ITGB1: variants seen among roughly 807,000 people sequenced by gnomAD.
ITGB1 encodes integrin beta-1.
Under a neutral mutation model 86.5 loss-of-function variants are expected in ITGB1, and 24 were observed. The observed-to-expected ratio is 0.28, with a 90% CI of 0.20 to 0.39. ITGB1 has a LOEUF of 0.39. ITGB1 is among the 10% of genes least tolerant of loss of function. The probability of loss-of-function intolerance (pLI) is 1.00; values close to 1 mark genes in which losing one functional copy is unlikely to be tolerated. For missense variants in ITGB1, 556 were observed against 946.9 expected (o/e 0.59, Z 5.42); for synonymous variants, 323 against 316.8 (o/e 1.02, Z -0.21).
chr10:32,923,446 T>A (rs2094955868), intron 7 of ITGB1, 139 bp downstream of exon 7: 1 of 591,490 alleles, frequency 1.7e-6, no homozygotes, highest in Non-Finnish European at 2.8e-6. Flanking sequence ...TTCCTGCACT[T>A]TCAATCAGGA....
At chr10:32,923,817 C>T in intron 6 of ITGB1, 77 bp from the exon 7 acceptor site, 1 of 1,167,390 alleles carries the variant, frequency 8.6e-7, no homozygotes, top group Non-Finnish European at 1.2e-6. Flanking sequence ...TTCATATAGG[C>T]CACCATTGTA....
chr10:32,920,598 G>C (rs536805235), intron 9 of ITGB1, among the ~76,000 whole-genome samples: 20 of 152,252 alleles, frequency 1.3e-4, no homozygotes, highest in Non-Finnish European at 2.6e-4. Context: ...ATTGAAAAGA[G>C]TATTCCTGTT....
chr10:32,920,375 G>A lies in ITGB1; in HGVS notation c.1139C>T (p.Ser380Leu). ...LIIDAYNSLS[S>L]EVILENGKLS... ...TTTGCCGTTTTCCAAAATGACTTCT[G>A]AGGAAAGGGACTAAAAGAATGCCTA... The change falls in exon 10 of 16, where the codon TCA becomes TTA. Residue 380 changes from serine to leucine, a missense_variant. By Grantham distance (145) the Ser-to-Leu change is moderately radical. Around this residue, in one of 4 missense-constraint regions of ITGB1, gnomAD observed 330 missense variants for 531.5 expected, o/e 0.62. Transcript: ENST00000302278. The A allele has an allele frequency of 6.2e-7, 1 of 1,613,268 alleles. No homozygotes were observed. Among genetic ancestry groups the A allele is most frequent in the African/African-American group, 1.3e-5 (1 of 75,008 alleles).
chr10:32,951,741 G>A (rs542158644), intron 1 of ITGB1: 55 of 152,176 alleles, frequency 3.6e-4, no homozygotes, highest in African/African-American at 1.3e-3. Flanking sequence ...CTATGCCTGC[G>A]GACTTTTTTG....
In ITGB1 at chr10:32,929,978, C is replaced by G; in HGVS notation, c.220G>C (p.Gly74Arg). The G allele has an allele frequency of 1.7e-6, 2 of 1,201,880 alleles. No individual in the cohort carries two copies. Among genetic ancestry groups the G allele is most frequent in the Non-Finnish European group, 2.5e-6 (2 of 802,940 alleles). The allele number at this position is 1,201,880 out of a possible 1,614,324, so 74.5% of individuals were successfully genotyped here. A position where few individuals can be genotyped will look rare whatever the true frequency, so the allele number is the denominator to read the frequency against. Residue 74 changes from glycine to arginine, a missense_variant, in exon 4 of 16, where the codon GGT (glycine) becomes CGT (arginine). By Grantham distance (125) the Gly-to-Arg change is moderately radical. Transcript: ENST00000302278. The part of the protein sequence containing the change: ...CDDLEALKKK[G>R]CPPDDIENPR... ...TTTTCTATGTCATCTGGAGGGCAAC[C>G]CTTCTTTTTTAAGGCTTCTAAATCA...
In ITGB1 at chr10:32,908,537, G is replaced by A. The variant is rs1431173228; in HGVS notation, c.2165-3C>T. The A allele has an allele frequency of 2.5e-6, 4 of 1,612,946 alleles. No individual in the cohort carries two copies. Among genetic ancestry groups the A allele is most frequent in the East Asian group, 2.2e-5 (1 of 44,826 alleles). On this transcript the variant is annotated splice_region_variant and splice_polypyrimidine_tract_variant and intron_variant, in intron 14 of 15. Coordinates refer to ENST00000302278, the MANE Select transcript of ITGB1 (RefSeq NM_002211.4). ...GATGTCTGGACCAGTGGGACACTCTGGAAAATAAGAAGGTAATAATGAGCA... is the reference window on the plus strand; with the variant it reads ...GATGTCTGGACCAGTGGGACACTCTAGAAAATAAGAAGGTAATAATGAGCA...
intron 3 of ITGB1, among the ~76,000 whole-genome samples, 156 bp from the exon 4 acceptor site, chr10:32,930,200 C>T (rs2137226351): frequency 6.6e-6 from 1 of 152,310 alleles, no homozygotes; most frequent in East Asian, 1.9e-4. Flanking sequence ...TTCATCCAAA[C>T]TGTGGTAAGT....
At chr10:32,956,662 G>A (rs2095052908) in intron 1 of ITGB1, among the ~76,000 whole-genome samples, 1 of 152,076 alleles carries the variant, frequency 6.6e-6, no homozygotes. Flanking sequence ...GAGCTGTGAT[G>A]GCTCTTCTGC....
intron 1 of ITGB1, among the ~76,000 whole-genome samples, chr10:32,953,143 T>C (rs1295169905): frequency 6.6e-6 from 1 of 152,196 alleles, no homozygotes; most frequent in African/African-American, 2.4e-5. Flanking sequence ...GCTCATACCA[T>C]TCCAAGCTCA....
chr10:32,912,688 T>C (rs2504022), intron 11 of ITGB1, among the ~76,000 whole-genome samples: 149,951 of 152,334 alleles, frequency 0.98, 73,845 homozygotes, highest in Middle Eastern at 1. Flanking sequence ...TGAAGCCCAT[T>C]GCAGCTCAAG....
intron 11 of ITGB1, among the ~76,000 whole-genome samples, chr10:32,913,369 C>T (rs186693914): frequency 1.3e-5 from 2 of 152,176 alleles, no homozygotes; most frequent in Admixed American, 1.3e-4. Flanking sequence ...ACAAACTTGT[C>T]CGAGCTAAAG....
In ITGB1 at chr10:32,956,573, T is replaced by C. The variant is rs539546647; in HGVS notation, c.-1+1572A>G. Among the ~76,000 whole-genome samples, 689 of 151,980 alleles carry C rather than the reference T, an allele frequency of 4.5e-3. 8 individuals carry two copies. Among genetic ancestry groups the C allele is most frequent in the Non-Finnish European group, 4.5e-3 (309 of 67,968 alleles). On this transcript the variant is annotated intron_variant, in intron 1 of 15. Coordinates refer to ENST00000302278, the MANE Select transcript of ITGB1 (RefSeq NM_002211.4). ...AAATAAAAAAATTAGCCGGGCACGG[T>C]GGCAGGCGCCTGTAGTCCCAGCTAC...
intron 1 of ITGB1, among the ~76,000 whole-genome samples, chr10:32,947,750 C>T (rs1208497752): frequency 6.6e-6 from 1 of 152,150 alleles, no homozygotes; most frequent in African/African-American, 2.4e-5. Context: ...GTGGCATCTA[C>T]CGTTGTACAA....
At chr10:32,935,584 T>C (rs1476380187) in intron 1 of ITGB1, 26 bp from the exon 2 acceptor site, 2 of 1,505,292 alleles carry the variant, frequency 1.3e-6, no homozygotes, top group Non-Finnish European at 1.8e-6. Context: ...TGCCTTATAT[T>C]AGTTATAAAG....
At position 32,935,472 on chromosome 10, in the gene ITGB1, A is replaced by T. The variant is rs2094998326; in HGVS notation, c.67+20T>A. The T allele has an allele frequency of 6.4e-7, 1 of 1,567,428 alleles. No homozygotes were observed. The highest frequency in any genetic ancestry group is 8.8e-7 in the Non-Finnish European group (1 of 1,137,794). On this transcript the variant is annotated intron_variant, in intron 2 of 15. Transcript: ENST00000302278. Reference sequence around the variant, plus strand: ...AGATACGGAAATGAAAAGACAACTAAGAAAATTTTTTGTTTTTACCTGTTT... The same window carrying T: ...AGATACGGAAATGAAAAGACAACTATGAAAATTTTTTGTTTTTACCTGTTT...
chr10:32,926,362 TG>T (rs1396496284), intron 5 of ITGB1, among the ~76,000 whole-genome samples: 1 of 152,202 alleles, frequency 6.6e-6, no homozygotes, highest in African/African-American at 2.4e-5. Context: ...TGATACAGTT[TG>T]GGTATCTGTC....
intron 1 of ITGB1, among the ~76,000 whole-genome samples, chr10:32,947,973 A>G (rs1009002): frequency 0.33 from 50,845 of 152,014 alleles, 10,671 homozygotes; most frequent in Non-Finnish European, 0.47. Flanking sequence ...GCTCAATAAC[A>G]ACGTAATTGA....
At chr10:32,922,538 T>C in intron 8 of ITGB1, 102 bp downstream of exon 8, 1 of 810,120 alleles carries the variant, frequency 1.2e-6, no homozygotes, top group South Asian at 1.7e-5. Context: ...AAAATTCGGT[T>C]TGCCTATCTG....
At chr10:32,918,235 C>T (rs528821863) in intron 11 of ITGB1, among the ~76,000 whole-genome samples, 34 of 152,100 alleles carry the variant, frequency 2.2e-4, no homozygotes, top group Admixed American at 7.2e-4. Context: ...AGGAGATATA[C>T]CTAATGTAAA....
Sources: gnomAD v4.1 joint callset for allele counts (sites outside exome capture counted in the v4.1 genomes callset) on GRCh38, gnomAD v4.1.1 for gene constraint, gnomAD v4.1.1 regional missense constraint, MANE v1.5 for transcripts, NCBI Gene and HGNC (gene_info 2026-07-23, HGNC 2026-07-21) for gene names.